Variants in DAB2IP observed in about 807,000 individuals in gnomAD.
DAB2IP encodes DAB2 interacting protein, also known as disabled homolog 2-interacting protein.
A neutral mutation model predicts 107.2 loss-of-function variants in DAB2IP; 28 were observed. That is an observed-to-expected ratio of 0.26 (90% CI 0.19 to 0.36). The LOEUF is 0.36. Ranked by LOEUF, DAB2IP falls within the 10% of genes least tolerant of loss-of-function variation. The pLI is 1.00. For missense variants in DAB2IP, 1,400 were observed against 1,644.7 expected (o/e 0.85, Z 2.57); for synonymous variants, 755 against 706.4 (o/e 1.07, Z -1.09).
intron 12 of DAB2IP, among the ~76,000 whole-genome samples, chr9:121,773,779 C>T (rs796887579): frequency 3.5e-4 from 53 of 152,318 alleles, no homozygotes; most frequent in African/African-American, 1.0e-3. Context: ...CATTCATCTT[C>T]GGTTCCAAGC....
At chr9:121,763,957 C>G (rs1587979696) in intron 8 of DAB2IP, 78 bp downstream of exon 8, 1 of 1,564,586 alleles carries the variant, frequency 6.4e-7, no homozygotes, top group Admixed American at 1.7e-5. Context: ...CGCAGTGTGC[C>G]TGATGCTGCC....
At chr9:121,595,871 G>A (rs1236781246) in intron 1 of DAB2IP, among the ~76,000 whole-genome samples, 2 of 152,130 alleles carry the variant, frequency 1.3e-5, no homozygotes, top group Non-Finnish European at 2.9e-5. Context: ...CACGTAGTTT[G>A]TGGAATTACA....
chr9:121,774,394 G>C, exon 13 of DAB2IP: 1 of 1,611,294 alleles, frequency 6.2e-7, no homozygotes, highest in Non-Finnish European at 8.5e-7. Context: ...GTAAGGACGA[G>C]CTCAGCCAAG....
At position 121,760,823 on chromosome 9, in the gene DAB2IP, C is replaced by T. The variant is rs531796126; in HGVS notation, c.1170+384C>T. 1.4e-4 allele frequency among the ~76,000 whole-genome samples: 21 copies of T among 152,336 alleles called. No homozygotes were observed. Among genetic ancestry groups the T allele is most frequent in the African/African-American group, 4.8e-4 (20 of 41,576 alleles). On this transcript the variant is annotated intron_variant, in intron 6 of 15. Coordinates refer to ENST00000408936, the Ensembl canonical transcript of DAB2IP. The surrounding 1 kb of genome is among the most constrained non-coding windows in gnomAD (Gnocchi z 5.9). ...CACCAGCCGCAGTGAGCCAAACACA[C>T]GTCCCCTGTGGGGTATGGAGTTCGG...
intron 11 of DAB2IP, 26 bp downstream of exon 11, chr9:121,770,750 G>A (rs766272248): frequency 5.0e-6 from 8 of 1,611,172 alleles, no homozygotes; most frequent in Non-Finnish European, 6.8e-6. Flanking sequence ...CATGTTGGGT[G>A]TGGTGGGTGC....
At chr9:121,675,647 G>T (rs569178216) in intron 1 of DAB2IP, among the ~76,000 whole-genome samples, 2 of 152,334 alleles carry the variant, frequency 1.3e-5, no homozygotes, top group Non-Finnish European at 2.9e-5. Flanking sequence ...CATGGACTCG[G>T]TCCAGACACA....
chr9:121,768,247 T>G (rs56100869), intron 9 of DAB2IP, among the ~76,000 whole-genome samples, 185 bp from the exon 10 acceptor site: 1 of 152,126 alleles, frequency 6.6e-6, no homozygotes, highest in East Asian at 1.9e-4. Flanking sequence ...AAAGGATCGC[T>G]GGACTTACCA....
intron 1 of DAB2IP, among the ~76,000 whole-genome samples, chr9:121,665,947 C>T (rs1833401434): frequency 1.3e-5 from 2 of 152,236 alleles, no homozygotes; most frequent in South Asian, 4.1e-4. Context: ...GTATTAGTGC[C>T]TGTGGCTGCT....
chr9:121,661,012 T>TGGTGGTGGGATAA (rs905178848), intron 1 of DAB2IP, among the ~76,000 whole-genome samples: 2 of 151,582 alleles, frequency 1.3e-5, no homozygotes, highest in Non-Finnish European at 2.9e-5. Context: ...GAGTGGGAGC[T>TGGTGGTGGGATAA]GGTGGTGGGA....
chr9:121,642,015 CTCTCTCTCTCTCTCTCTT>C (rs1297070540), intron 1 of DAB2IP, among the ~76,000 whole-genome samples: 3 of 27,992 alleles, frequency 1.1e-4, no homozygotes, highest in African/African-American at 4.6e-4. Context: ...CTCTCTCTCT[CTCTCTCTCTCTCTCTCTT>C]TCTTTCTTTC....
upstream of DAB2IP, chr9:121,651,533 T>A (rs2119059503): frequency 2.2e-6 from 1 of 450,312 alleles, no homozygotes; most frequent in African/African-American, 2.1e-5. The surrounding 1 kb of genome is among the most constrained non-coding windows in gnomAD (Gnocchi z 5.1). Flanking sequence ...GCACTGACTT[T>A]CCGGGCCGGT....
At position 121,662,535 on chromosome 9, in the gene DAB2IP, A is replaced by G. The variant is rs1214469497; in HGVS notation, c.124+10636A>G. On this transcript the variant is annotated intron_variant, in intron 1 of 15. Transcript: ENST00000408936. The surrounding 1 kb of genome is among the most constrained non-coding windows in gnomAD (Gnocchi z 4.6). Reference sequence around the variant, plus strand: ...TATTGTCTATAGCTGCTTTCACGCTACAATGGCAGAGTTGAATAGCTGAGA... The same window carrying G: ...TATTGTCTATAGCTGCTTTCACGCTGCAATGGCAGAGTTGAATAGCTGAGA... Among the ~76,000 whole-genome samples the G allele has an allele frequency of 3.3e-5, 5 of 152,264 alleles. No individual in the cohort carries two copies. The highest frequency in any genetic ancestry group is 1.5e-5 in the Non-Finnish European group (1 of 68,042).
At position 121,701,029 on chromosome 9, in the gene DAB2IP, C is replaced by T. The variant is rs1317643581; in HGVS notation, c.362+1571C>T. 3.3e-5 allele frequency among the ~76,000 whole-genome samples: 5 copies of T among 152,392 alleles called. No homozygotes were observed. The highest frequency in any genetic ancestry group is 6.5e-5 in the Admixed American group (1 of 15,312). On this transcript the variant is annotated intron_variant, in intron 3 of 15. Coordinates refer to ENST00000408936, the Ensembl canonical transcript of DAB2IP. This position sits in a 1 kb window ranked among gnomAD's most constrained non-coding sequence, Gnocchi z 4.7. ...CCTCCCTCCACCGGGCCCCTGCCTTCGGCTGTCTTCCCCAGGAACATGCCC... is the reference window on the plus strand; with the variant it reads ...CCTCCCTCCACCGGGCCCCTGCCTTTGGCTGTCTTCCCCAGGAACATGCCC...
intron 11 of DAB2IP, among the ~76,000 whole-genome samples, chr9:121,771,361 G>A (rs887744681): frequency 2.0e-5 from 3 of 152,110 alleles, no homozygotes; most frequent in African/African-American, 7.2e-5. Flanking sequence ...CCCCTCTCCC[G>A]CCAGTGATCC....
At chr9:121,715,347 C>CT (rs201505312) in intron 3 of DAB2IP, among the ~76,000 whole-genome samples, 2,535 of 148,616 alleles carry the variant, frequency 0.017, 99 homozygotes, top group African/African-American at 0.061. Context: ...CTTTTTCTTT[C>CT]TTTCTTTTTT....
chr9:121,693,865 G>A (rs1035502754), intron 2 of DAB2IP, among the ~76,000 whole-genome samples: 13 of 152,204 alleles, frequency 8.5e-5, no homozygotes, highest in Non-Finnish European at 1.8e-4. Flanking sequence ...TCAGTGCTTC[G>A]TATTCAGTTG....
chr9:121,699,242 G>A lies in DAB2IP; in HGVS notation c.229-83G>A, dbSNP rs1829616402. 9.1e-7 allele frequency: 1 copy of A among 1,100,910 alleles called. No individual in the cohort carries two copies. Among genetic ancestry groups the A allele is most frequent in the South Asian group, 3.6e-5 (1 of 27,622 alleles). 68.2% of individuals were successfully genotyped at this position (1,100,910 alleles called of 1,614,324 possible). A position where few individuals can be genotyped will look rare whatever the true frequency, so the allele number is the denominator to read the frequency against. ...CTCGGCCGCGCGGCCGCCCAGCAAG[G>A]GTGCGGGTCCCGCGCGGGTCCCGGC... is the stretch of plus-strand genomic sequence containing the variant. On this transcript the variant is annotated intron_variant, in intron 2 of 15. Coordinates refer to ENST00000408936, the Ensembl canonical transcript of DAB2IP. The surrounding 1 kb of genome is among the most constrained non-coding windows in gnomAD (Gnocchi z 6.2).
At chr9:121,609,925 C>G (rs1293806964) in intron 1 of DAB2IP, among the ~76,000 whole-genome samples, 1 of 152,202 alleles carries the variant, frequency 6.6e-6, no homozygotes, top group Non-Finnish European at 1.5e-5. Flanking sequence ...CAACGCCAAG[C>G]CTGCAGGTTC....
chr9:121,626,768 AGT>A (rs1831663836), intron 1 of DAB2IP, among the ~76,000 whole-genome samples: 1 of 152,176 alleles, frequency 6.6e-6, no homozygotes, highest in South Asian at 2.1e-4. Flanking sequence ...GCTTTCGGAG[AGT>A]GGCTCTTGCT....
Sources: gnomAD v4.1 joint callset for allele counts (sites outside exome capture counted in the v4.1 genomes callset) on GRCh38, gnomAD v4.1.1 for gene constraint, Gnocchi (gnomAD v3.1) non-coding constraint, MANE v1.5 for transcripts, NCBI Gene and HGNC (gene_info 2026-07-23, HGNC 2026-07-21) for gene names.